Variants in MDM4 observed in about 807,000 individuals in gnomAD.
MDM4 encodes protein Mdm4.
A neutral mutation model predicts 60.2 loss-of-function variants in MDM4; 2 were observed. The observed-to-expected ratio is 0.03, with a 90% CI of 0.01 to 0.10. The LOEUF is 0.10. Ranked by LOEUF, MDM4 falls within the 10% of genes least tolerant of loss-of-function variation. The pLI is 1.00. For synonymous variants in MDM4, 202 were observed against 198.1 expected (o/e 1.02, Z -0.17); for missense variants, 447 against 577.5 (o/e 0.77, Z 2.32).
chr1:204,548,546 A>AG (rs1662890299), intron 10 of MDM4, among the ~76,000 whole-genome samples: 1 of 152,228 alleles, frequency 6.6e-6, no homozygotes. Flanking sequence ...GTAGGGAAAA[A>AG]TTACTTGGCA....
Position 204,553,831 on chromosome 1 carries a change from A to G in MDM4, c.*4149A>G, listed in dbSNP as rs1399402452. The G allele has an allele frequency of 4.6e-6, 1 of 219,548 alleles. No homozygotes were observed. Among genetic ancestry groups the G allele is most frequent in the East Asian group, 6.7e-5 (1 of 14,896 alleles). 13.6% of individuals were successfully genotyped at this position (219,548 alleles called of 1,614,324 possible). A position where few individuals can be genotyped will look rare whatever the true frequency, so the allele number is the denominator to read the frequency against. On this transcript the variant is annotated 3_prime_UTR_variant, in exon 11 of 11. Transcript: ENST00000367182. ...AAACTTTATAAAAATCTTAGACCAG[A>G]TCTTTAATATGGTATGCCATTTCCC...
intron 7 of MDM4, among the ~76,000 whole-genome samples, chr1:204,540,489 A>G (rs1358045727): frequency 6.6e-6 from 1 of 151,396 alleles, no homozygotes; most frequent in African/African-American, 2.4e-5. Flanking sequence ...TAGGCTGGGC[A>G]TGGTGGCTCA....
At chr1:204,530,332 T>G (rs1438590800) in intron 3 of MDM4, among the ~76,000 whole-genome samples, 1 of 152,224 alleles carries the variant, frequency 6.6e-6, no homozygotes, top group Non-Finnish European at 1.5e-5. Flanking sequence ...TGGGAAAATA[T>G]TTTTATAATC....
At chr1:204,545,196 C>T (rs1347569212) in intron 9 of MDM4, among the ~76,000 whole-genome samples, 1 of 152,194 alleles carries the variant, frequency 6.6e-6, no homozygotes, top group Non-Finnish European at 1.5e-5. Flanking sequence ...AAATGAACAG[C>T]AGTCTGTAGG....
chr1:204,539,529 G>GTTTTTTTTT, intron 7 of MDM4, among the ~76,000 whole-genome samples: 1 of 139,564 alleles, frequency 7.2e-6, no homozygotes, highest in Middle Eastern at 3.5e-3. Flanking sequence ...TTTTTTTTTT[G>GTTTTTTTTT]TTTTGTTTTG....
At position 204,549,792 on chromosome 1, in the gene MDM4, T is replaced by A. The variant is rs1175452082; in HGVS notation, c.*110T>A. 14 of 707,298 alleles carry A rather than the reference T, an allele frequency of 2.0e-5. No individual in the cohort carries two copies. In the African/African-American group the frequency reaches 2.5e-4, roughly 13 times the overall value. The allele number at this position is 707,298 out of a possible 1,614,324, so 43.8% of individuals were successfully genotyped here. ...ACCTGTCAGAGAATGTTCTTAGGCA[T>A]CAAAATCCAAGGTAGCTGTAAGAAA... is the stretch of plus-strand genomic sequence containing the variant. On this transcript the variant is annotated 3_prime_UTR_variant, in exon 11 of 11. Coordinates refer to ENST00000367182, the MANE Select transcript of MDM4 (RefSeq NM_002393.5).
intron 2 of MDM4, among the ~76,000 whole-genome samples, chr1:204,526,096 A>AAAT (rs535306309): frequency 6.0e-4 from 92 of 152,250 alleles, no homozygotes; most frequent in Admixed American, 4.3e-3. Context: ...CTCTACAAAA[A>AAAT]AATACAAAAA....
chr1:204,538,000 T>C lies in MDM4; in HGVS notation c.412-209T>C, dbSNP rs72753803. ...TTGGCCTTTGTGCAGAGGTTTTTTT[T>C]CCCCCCAGGTTTGGGATTCTTCTAG... is the stretch of plus-strand genomic sequence containing the variant. On this transcript the variant is annotated intron_variant, in intron 6 of 10. Coordinates refer to ENST00000367182, the MANE Select transcript of MDM4 (RefSeq NM_002393.5). 9.2e-3 allele frequency: 7,012 copies of C among 758,316 alleles called. 56 individuals carry two copies. Among genetic ancestry groups the C allele is most frequent in the Non-Finnish European group, 0.012 (4,906 of 404,618 alleles). The allele number at this position is 758,316 out of a possible 1,614,324, so 47.0% of individuals were successfully genotyped here.
rs142893718 is a variant in MDM4, at chr1:204,537,124, G to C, written c.344-306G>C. ...ACAAAAATAGACTCCATTATGTCCTGCTTGGAACCAGTTTTCATATAAAAA... is the reference window on the plus strand; with the variant it reads ...ACAAAAATAGACTCCATTATGTCCTCCTTGGAACCAGTTTTCATATAAAAA... On this transcript the variant is annotated intron_variant, in intron 5 of 10. Transcript: ENST00000367182. 503 of 368,094 alleles carry C rather than the reference G, an allele frequency of 1.4e-3. 3 individuals are homozygous for C. The highest frequency in any genetic ancestry group is 9.9e-3 in the African/African-American group (468 of 47,414). The allele number at this position is 368,094 out of a possible 1,614,324, so 22.8% of individuals were successfully genotyped here. A position where few individuals can be genotyped will look rare whatever the true frequency, so the allele number is the denominator to read the frequency against.
intron 8 of MDM4, among the ~76,000 whole-genome samples, chr1:204,543,521 T>C (rs1174552536): frequency 6.6e-6 from 1 of 152,190 alleles, no homozygotes; most frequent in Non-Finnish European, 1.5e-5. Flanking sequence ...GCACCTTAAG[T>C]TTGTTCTTTA....
intron 7 of MDM4, among the ~76,000 whole-genome samples, chr1:204,541,881 A>G (rs4252714): frequency 0.015 from 2,263 of 152,362 alleles, 28 homozygotes; most frequent in Non-Finnish European, 0.021. Context: ...TATGTACTTC[A>G]GCACACGTTA....
In MDM4 at chr1:204,556,212, C is replaced by G. The variant is rs963070545; in HGVS notation, c.*6530C>G. ...CAAAGACCCTTATCAGCCCTTGTAA[C>G]TACAGTATCTTTAGATAAGATTCCT... On this transcript the variant is annotated 3_prime_UTR_variant, in exon 11 of 11. Transcript: ENST00000367182. The G allele has an allele frequency of 4.4e-6, 1 of 225,512 alleles. No individual in the cohort carries two copies. The highest frequency in any genetic ancestry group is 2.2e-5 in the African/African-American group (1 of 44,930). 14.0% of individuals were successfully genotyped at this position (225,512 alleles called of 1,614,324 possible). A position where few individuals can be genotyped will look rare whatever the true frequency, so the allele number is the denominator to read the frequency against.
intron 3 of MDM4, among the ~76,000 whole-genome samples, chr1:204,530,271 T>G (rs1228838703): frequency 6.6e-6 from 1 of 152,234 alleles, no homozygotes; most frequent in African/African-American, 2.4e-5. Flanking sequence ...CCAAAAAGAA[T>G]TATTATGTGA....
intron 5 of MDM4, among the ~76,000 whole-genome samples, chr1:204,533,519 G>A (rs1015052666): frequency 6.6e-6 from 1 of 152,086 alleles, no homozygotes; most frequent in African/African-American, 2.4e-5. Context: ...ACCATGCCTG[G>A]CTAATTTTTT....
At chr1:204,547,365 C>T (rs976078725) in intron 10 of MDM4, among the ~76,000 whole-genome samples, 1 of 152,148 alleles carries the variant, frequency 6.6e-6, no homozygotes, top group Non-Finnish European at 1.5e-5. Context: ...CTTGATATTC[C>T]ACTCTTAGGT....
intron 7 of MDM4, 141 bp from the exon 8 acceptor site, chr1:204,542,643 A>G (rs756426703): frequency 4.7e-5 from 29 of 621,160 alleles, no homozygotes; most frequent in Non-Finnish European, 6.6e-5. Flanking sequence ...ACTAAGACAG[A>G]TACTTGATTT....
Position 204,556,495 on chromosome 1 carries a change from G to A in MDM4, c.*6813G>A, listed in dbSNP as rs954284400. ...GCAGATTGCTTGCGCTCTGGAGCTCGAGACCAGCCTGGGCAACATGGTGAA... is the reference window on the plus strand; with the variant it reads ...GCAGATTGCTTGCGCTCTGGAGCTCAAGACCAGCCTGGGCAACATGGTGAA... On this transcript the variant is annotated 3_prime_UTR_variant, in exon 11 of 11. Transcript: ENST00000367182. The A allele has an allele frequency of 1.4e-5, 3 of 218,448 alleles. No individual in the cohort carries two copies. Among genetic ancestry groups the A allele is most frequent in the East Asian group, 6.7e-5 (1 of 14,922 alleles). The allele number at this position is 218,448 out of a possible 1,614,324, so 13.5% of individuals were successfully genotyped here. A position where few individuals can be genotyped will look rare whatever the true frequency, so the allele number is the denominator to read the frequency against.
chr1:204,516,669 G>C (rs1266318634), intron 1 of MDM4, among the ~76,000 whole-genome samples, 160 bp downstream of exon 1: 4 of 152,302 alleles, frequency 2.6e-5, no homozygotes, highest in South Asian at 2.1e-4. Context: ...GAAGGGCTCG[G>C]GGGGAGGGGA....
In MDM4 at chr1:204,537,753, G is replaced by A. The variant is rs4252705; in HGVS notation, c.411+256G>A. 8.4e-4 allele frequency: 505 copies of A among 603,390 alleles called. 1 individual carries two copies. The highest frequency in any genetic ancestry group is 6.5e-3 in the African/African-American group (349 of 53,912). 37.4% of individuals were successfully genotyped at this position (603,390 alleles called of 1,614,324 possible). ...CAGTTGCATTTTTCTTTGGGTTTGT[G>A]TGTACCTGTGTGTGTGTGTTTGAGG... On this transcript the variant is annotated intron_variant, in intron 6 of 10. Transcript: ENST00000367182.
Sources: allele counts gnomAD v4.1 joint callset (sites outside exome capture counted in the v4.1 genomes callset), GRCh38; gene constraint gnomAD v4.1.1; transcripts MANE v1.5; gene names NCBI Gene and HGNC (gene_info 2026-07-23, HGNC 2026-07-21).